ARL5B: variants seen among roughly 807,000 people sequenced by gnomAD.
ARL5B encodes ADP-ribosylation factor-like protein 5B.
In ARL5B, 10 loss-of-function variants were observed where a neutral mutation model predicts 26.9. The ratio of observed to expected loss-of-function variants is 0.37; its 90% confidence interval spans 0.23 to 0.63. The LOEUF (loss-of-function observed/expected upper bound fraction) is 0.63. Among genes scored for constraint, ARL5B ranks in the 30% least tolerant of loss-of-function variants. The probability of loss-of-function intolerance (pLI) is 0.62; values close to 1 mark genes in which losing one functional copy is unlikely to be tolerated. For missense variants in ARL5B, 167 were observed against 213.9 expected (o/e 0.78, Z 1.37); for synonymous variants, 87 against 70.4 (o/e 1.24, Z -1.18).
intron 1 of ARL5B, chr10:18,659,958 C>G (rs1439790094): frequency 2.0e-6 from 2 of 984,172 alleles, no homozygotes; most frequent in Non-Finnish European, 2.4e-6. Flanking sequence ...CGGGATACAG[C>G]TAATGATGCC....
chr10:18,667,558 A>G (rs1267642498), intron 2 of ARL5B, among the ~76,000 whole-genome samples: 1 of 152,188 alleles, frequency 6.6e-6, no homozygotes, highest in East Asian at 1.9e-4. Flanking sequence ...AAATATACAT[A>G]AAACCCAAGA....
At chr10:18,668,753 G>A in intron 3 of ARL5B, 76 bp downstream of exon 3, 2 of 1,453,820 alleles carry the variant, frequency 1.4e-6, no homozygotes, top group East Asian at 2.4e-5. Context: ...GCTGCACCTG[G>A]GCGTATTGAC....
intron 1 of ARL5B, among the ~76,000 whole-genome samples, chr10:18,661,400 C>T (rs894119680): frequency 3.9e-5 from 6 of 152,120 alleles, no homozygotes; most frequent in African/African-American, 1.4e-4. Context: ...TGATGAAAGA[C>T]ATCCAGTGGC....
At chr10:18,665,834 C>A (rs1228533708) in intron 1 of ARL5B, among the ~76,000 whole-genome samples, 2 of 152,120 alleles carry the variant, frequency 1.3e-5, no homozygotes, top group African/African-American at 4.8e-5. Flanking sequence ...TTTCTGTATT[C>A]AAAGGACATT....
At chr10:18,661,419 T>C (rs1004083386) in intron 1 of ARL5B, among the ~76,000 whole-genome samples, 1 of 152,212 alleles carries the variant, frequency 6.6e-6, no homozygotes, top group Non-Finnish European at 1.5e-5. Flanking sequence ...GCTACTTTTA[T>C]ACTCGCATAA....
rs978635110 is a variant in ARL5B at position 18,681,120 on chromosome 10, G to A, written c.*5904G>A. On this transcript the variant is annotated 3_prime_UTR_variant, in exon 6 of 6. Transcript: ENST00000377275. ...CTGGAAGATGGTATTAATAAGGTCA[G>A]AATTAGGAATTGGATTGCTCTGTGG... 2 of 152,118 alleles carry A rather than the reference G, an allele frequency of 1.3e-5. No individual in the cohort carries two copies. The highest frequency in any genetic ancestry group is 2.9e-5 in the Non-Finnish European group (2 of 68,020). 9.4% of individuals were successfully genotyped at this position (152,118 alleles called of 1,614,324 possible).
Position 18,676,840 on chromosome 10 carries a change from C to A in ARL5B, c.*1624C>A, listed in dbSNP as rs1270683703. On this transcript the variant is annotated 3_prime_UTR_variant, in exon 6 of 6. Transcript: ENST00000377275. Reference sequence around the variant, plus strand: ...TGATTTATCTTTAGTTGGAGCACACCCTTGAACTGAACAGTGGCCAAAGGA... The same window carrying A: ...TGATTTATCTTTAGTTGGAGCACACACTTGAACTGAACAGTGGCCAAAGGA... 2 of 151,714 alleles carry A rather than the reference C, an allele frequency of 1.3e-5. No homozygotes were observed. Among genetic ancestry groups the A allele is most frequent in the Admixed American group, 6.6e-5 (1 of 15,206 alleles). The allele number at this position is 151,714 out of a possible 1,614,324, so 9.4% of individuals were successfully genotyped here. A position where few individuals can be genotyped will look rare whatever the true frequency, so the allele number is the denominator to read the frequency against.
In ARL5B at chr10:18,678,578, A is replaced by G. The variant is rs944067910; in HGVS notation, c.*3362A>G. ...ATCAATTTTTATTTAGTCCTTAACT[A>G]TGTAAAACCGTATCAGTAGAAAAAT... is the stretch of plus-strand genomic sequence containing the variant. On this transcript the variant is annotated 3_prime_UTR_variant, in exon 6 of 6. Coordinates refer to ENST00000377275, the MANE Select transcript of ARL5B (RefSeq NM_178815.5). 1 of 151,872 alleles carries G rather than the reference A, an allele frequency of 6.6e-6. No homozygotes were observed. Among genetic ancestry groups the G allele is most frequent in the Non-Finnish European group, 1.5e-5 (1 of 67,804 alleles). The allele number at this position is 151,872 out of a possible 1,614,324, so 9.4% of individuals were successfully genotyped here. A position where few individuals can be genotyped will look rare whatever the true frequency, so the allele number is the denominator to read the frequency against.
rs1207843920 is a variant in ARL5B, at chr10:18,677,616, C to T, written c.*2400C>T. On this transcript the variant is annotated 3_prime_UTR_variant, in exon 6 of 6. Transcript: ENST00000377275. Reference sequence around the variant, plus strand: ...CTCCAAGAGAATGTTTTAACCCAAGCAAGTATCTAATACTAGAGCATTGGT... The same window carrying T: ...CTCCAAGAGAATGTTTTAACCCAAGTAAGTATCTAATACTAGAGCATTGGT... 2 of 152,236 alleles carry T rather than the reference C, an allele frequency of 1.3e-5. No homozygotes were observed. The highest frequency in any genetic ancestry group is 6.6e-5 in the Admixed American group (1 of 15,236). The allele number at this position is 152,236 out of a possible 1,614,324, so 9.4% of individuals were successfully genotyped here.
chr10:18,677,329 A>G lies in ARL5B; in HGVS notation c.*2113A>G, dbSNP rs1245231392. On this transcript the variant is annotated 3_prime_UTR_variant, in exon 6 of 6. Transcript: ENST00000377275. ...TTTAATAGTTGATTGTATTTTGCCA[A>G]CTACTAGTATAGACTCAAATTTGCT... 1 of 152,272 alleles carries G rather than the reference A, an allele frequency of 6.6e-6. No individual in the cohort carries two copies. Among genetic ancestry groups the G allele is most frequent in the Non-Finnish European group, 1.5e-5 (1 of 67,826 alleles). 9.4% of individuals were successfully genotyped at this position (152,272 alleles called of 1,614,324 possible).
At position 18,668,590 on chromosome 10, in the gene ARL5B, T is replaced by C; in HGVS notation, c.168T>C (p.Val56=). Residue 56 remains valine, a synonymous_variant, in exon 3 of 6, where the codon GTT becomes GTC. Coordinates refer to ENST00000377275, the MANE Select transcript of ARL5B (RefSeq NM_178815.5). ...PTIGSNVEEI[V]VKNTHFLMWD... is the part of the protein sequence containing the mutation. ...TAGGAAGCAATGTTGAAGAAATAGT[T>C]GTGAAGAACACTCATTTTCTTATGT... The C allele has an allele frequency of 6.2e-7, 1 of 1,614,120 alleles. No individual in the cohort carries two copies. The highest frequency in any genetic ancestry group is 8.5e-7 in the Non-Finnish European group (1 of 1,180,004).
Position 18,662,699 on chromosome 10 carries a change from T to G in ARL5B, c.46+3016T>G, listed in dbSNP as rs148812312. Among the ~76,000 whole-genome samples, 275 of 151,624 alleles carry G rather than the reference T, an allele frequency of 1.8e-3. 11 individuals are homozygous for G. In the East Asian group the frequency reaches 0.048, roughly 26 times the overall value. On this transcript the variant is annotated intron_variant, in intron 1 of 5. Coordinates refer to ENST00000377275, the MANE Select transcript of ARL5B (RefSeq NM_178815.5). The stretch of plus-strand genomic sequence containing the variant: ...TCATCAGTTATTTCTTTTTTTGTTG[T>G]TTGTTTGTTTTTTTTTTTTAATGAG...
intron 2 of ARL5B, among the ~76,000 whole-genome samples, chr10:18,668,287 T>G (rs1481795180): frequency 6.6e-6 from 1 of 152,052 alleles, no homozygotes; most frequent in Non-Finnish European, 1.5e-5. Context: ...CACTGTTTCC[T>G]TTCTTTTCCA....
At chr10:18,674,643 A>G (rs957702991) in intron 5 of ARL5B, among the ~76,000 whole-genome samples, 1 of 152,238 alleles carries the variant, frequency 6.6e-6, no homozygotes, top group Non-Finnish European at 1.5e-5. Flanking sequence ...TGTGGGTATT[A>G]GGCCAAGAAG....
chr10:18,668,868 C>A (rs1224357221), intron 3 of ARL5B, among the ~76,000 whole-genome samples, 191 bp downstream of exon 3: 1 of 149,540 alleles, frequency 6.7e-6, no homozygotes, highest in Non-Finnish European at 1.5e-5. Flanking sequence ...CTGCTGAGTT[C>A]AAGCCATTCT....
intron 3 of ARL5B, 151 bp from the exon 4 acceptor site, chr10:18,672,471 T>G (rs1321065133): frequency 5.8e-6 from 3 of 518,332 alleles, no homozygotes; most frequent in Non-Finnish European, 6.9e-6. Flanking sequence ...GGTTCAGTAT[T>G]ATAAAAGCTG....
Position 18,664,380 on chromosome 10 carries a change from C to T in ARL5B, c.47-2195C>T, listed in dbSNP as rs138085933. 2.6e-3 allele frequency among the ~76,000 whole-genome samples: 394 copies of T among 151,194 alleles called. 1 individual carries two copies. Among genetic ancestry groups the T allele is most frequent in the African/African-American group, 8.5e-3 (348 of 41,150 alleles). ...GGAATTACAGGTGTGAGTCATTGCA[C>T]CTGGCCTAAAACATTCTGATTTACT... On this transcript the variant is annotated intron_variant, in intron 1 of 5. Coordinates refer to ENST00000377275, the MANE Select transcript of ARL5B (RefSeq NM_178815.5).
intron 1 of ARL5B, among the ~76,000 whole-genome samples, chr10:18,660,174 A>G (rs563424679): frequency 6.6e-6 from 1 of 151,994 alleles, no homozygotes; most frequent in Non-Finnish European, 1.5e-5. Context: ...CTTGGGAATG[A>G]GTTGTCCTAT....
chr10:18,665,439 T>A (rs964056935), intron 1 of ARL5B, among the ~76,000 whole-genome samples: 1 of 152,194 alleles, frequency 6.6e-6, no homozygotes, highest in Non-Finnish European at 1.5e-5. Context: ...GAGGACCGTG[T>A]CTGTTTATCC....
Sources: allele counts gnomAD v4.1 joint callset (sites outside exome capture counted in the v4.1 genomes callset), GRCh38; gene constraint gnomAD v4.1.1; transcripts MANE v1.5; gene names NCBI Gene and HGNC (gene_info 2026-07-23, HGNC 2026-07-21).